Variants in GALNT14 observed in about 807,000 individuals in gnomAD.
GALNT14 encodes polypeptide N-acetylgalactosaminyltransferase 14, also known as UDP-GalNAc:polypeptide N-acetylgalactosaminyltransferase 14.
In GALNT14, 60 loss-of-function variants were observed where a neutral mutation model predicts 77.5. The ratio of observed to expected loss-of-function variants is 0.77; its 90% CI spans 0.63 to 0.96. The LOEUF (loss-of-function observed/expected upper bound fraction) is 0.96. Among genes scored for constraint, GALNT14 ranks in the 40% least tolerant of loss-of-function variants. The probability of loss-of-function intolerance (pLI) is 0.00; values close to 1 mark genes in which losing one functional copy is unlikely to be tolerated. For synonymous variants in GALNT14, 280 were observed against 281.7 expected (o/e 0.99, Z 0.06); for missense variants, 710 against 731.0 (o/e 0.97, Z 0.33).
In GALNT14 at chr2:30,924,728, T is replaced by C; in HGVS notation, c.1235+12A>G. 6.2e-7 allele frequency: 1 copy of C among 1,612,536 alleles called. No individual in the cohort carries two copies. The highest frequency in any genetic ancestry group is 8.5e-7 in the Non-Finnish European group (1 of 1,178,704). Reference sequence around the variant, plus strand: ...TTCAGCCAGCCAAAGCTCCAACAGGTAGGACGGATACCTGAGTTCAGGGTA... The same window carrying C: ...TTCAGCCAGCCAAAGCTCCAACAGGCAGGACGGATACCTGAGTTCAGGGTA... On this transcript the variant is annotated intron_variant, in intron 12 of 14. Coordinates refer to ENST00000349752, the MANE Select transcript of GALNT14 (RefSeq NM_024572.4).
intron 1 of GALNT14, among the ~76,000 whole-genome samples, chr2:31,053,366 C>T (rs577801806): frequency 3.3e-5 from 5 of 152,170 alleles, no homozygotes; most frequent in Middle Eastern, 3.2e-3. Flanking sequence ...CAGGTGCCAA[C>T]TCACCCGCTA....
At chr2:30,891,591 A>G in the GALNT14 span, among the ~76,000 whole-genome samples, 2 of 152,248 alleles carry the variant, frequency 1.3e-5, no homozygotes, top group African/African-American at 4.8e-5. Flanking sequence ...AAATGCAGTC[A>G]TGAACCCTAG....
chr2:31,084,271 G>A (rs1558558259), intron 1 of GALNT14, among the ~76,000 whole-genome samples: 1 of 152,222 alleles, frequency 6.6e-6, no homozygotes, highest in Non-Finnish European at 1.5e-5. Flanking sequence ...GCCTGGTCAA[G>A]ACAACATACT....
chr2:30,914,544 CCTCT>C (rs911269045), intron 13 of GALNT14, among the ~76,000 whole-genome samples: 46 of 152,290 alleles, frequency 3.0e-4, no homozygotes, highest in African/African-American at 7.5e-4. Flanking sequence ...AGAATAGTGC[CCTCT>C]CTAATAGAGT....
chr2:30,905,605 A>G (rs377155569), downstream of GALNT14, among the ~76,000 whole-genome samples: 679 of 152,084 alleles, frequency 4.5e-3, 2 homozygotes, highest in African/African-American at 0.016. Flanking sequence ...TGAAAGTGAC[A>G]GGGAGAATGG....
intron 1 of GALNT14, among the ~76,000 whole-genome samples, chr2:31,058,229 T>C (rs1038129161): frequency 6.6e-6 from 1 of 152,192 alleles, no homozygotes; most frequent in African/African-American, 2.4e-5. Context: ...TATATAACAT[T>C]GAGCAAGTCA....
intron 1 of GALNT14, chr2:31,125,149 C>G: frequency 1.3e-6 from 2 of 1,547,092 alleles, no homozygotes; most frequent in Non-Finnish European, 1.7e-6. Flanking sequence ...ACACAGTCAA[C>G]CTACCTGTAG....
At chr2:31,000,834 CAT>C (rs1175948953) in intron 1 of GALNT14, among the ~76,000 whole-genome samples, 1 of 152,166 alleles carries the variant, frequency 6.6e-6, no homozygotes, top group African/African-American at 2.4e-5. Context: ...GCCACATTGA[CAT>C]ATAAAATTAA....
chr2:30,965,016 C>T (rs1311057669), intron 3 of GALNT14, among the ~76,000 whole-genome samples: 1 of 152,126 alleles, frequency 6.6e-6, no homozygotes, highest in Non-Finnish European at 1.5e-5. Context: ...AGCTGATGTG[C>T]TGCTCAGCAG....
chr2:30,937,155 C>T (rs1360523196), intron 9 of GALNT14, among the ~76,000 whole-genome samples: 3 of 152,166 alleles, frequency 2.0e-5, no homozygotes, highest in South Asian at 2.1e-4. Context: ...AAGGGTGAGG[C>T]TGAAAGAGAA....
chr2:30,976,952 G>T (rs963183439), intron 2 of GALNT14, among the ~76,000 whole-genome samples: 2 of 152,166 alleles, frequency 1.3e-5, no homozygotes, highest in African/African-American at 4.8e-5. Context: ...CAATGAGTGA[G>T]TGGTGGGGCC....
intron 1 of GALNT14, among the ~76,000 whole-genome samples, chr2:31,111,436 C>T (rs541874192): frequency 7.2e-5 from 11 of 152,348 alleles, no homozygotes; most frequent in South Asian, 2.1e-4. Flanking sequence ...GAATCAACAA[C>T]AGGAAAGCCA....
At chr2:31,016,681 C>T (rs1049390863) in intron 1 of GALNT14, among the ~76,000 whole-genome samples, 2 of 152,120 alleles carry the variant, frequency 1.3e-5, no homozygotes, top group Non-Finnish European at 2.9e-5. Context: ...GCAACTGGTG[C>T]CAGTGGCTGA....
the GALNT14 span, among the ~76,000 whole-genome samples, chr2:30,902,434 A>G: frequency 6.6e-6 from 1 of 152,150 alleles, no homozygotes; most frequent in Non-Finnish European, 1.5e-5. Flanking sequence ...CTCCTTTAGC[A>G]GACTACCCTC....
chr2:31,123,989 T>C (rs753667821), intron 1 of GALNT14, among the ~76,000 whole-genome samples: 1 of 152,118 alleles, frequency 6.6e-6, no homozygotes, highest in Non-Finnish European at 1.5e-5. Flanking sequence ...TCAGAAGTGG[T>C]GAGGGAGGGG....
intron 1 of GALNT14, among the ~76,000 whole-genome samples, chr2:31,038,505 T>C (rs1010307967): frequency 5.3e-5 from 8 of 151,806 alleles, no homozygotes; most frequent in Non-Finnish European, 1.2e-4. Context: ...CTCCAGGGAG[T>C]TGCCAGACAG....
chr2:31,120,355 G>A (rs1170763740), intron 1 of GALNT14, among the ~76,000 whole-genome samples: 1 of 152,168 alleles, frequency 6.6e-6, no homozygotes, highest in Non-Finnish European at 1.5e-5. Context: ...GAAAGCTATT[G>A]AAGTTCACAT....
At chr2:31,137,044 C>T (rs930412868) in intron 1 of GALNT14, among the ~76,000 whole-genome samples, 1 of 152,218 alleles carries the variant, frequency 6.6e-6, no homozygotes, top group Non-Finnish European at 1.5e-5. Context: ...GCCAGGAAAT[C>T]CCCCAGAGGC....
chr2:31,128,664 G>A (rs1322245635), intron 1 of GALNT14, among the ~76,000 whole-genome samples: 3 of 151,496 alleles, frequency 2.0e-5, no homozygotes, highest in Admixed American at 6.5e-5. Context: ...GCAGGGCAGC[G>A]TGGGCTCCTG....
Sources: allele counts gnomAD v4.1 joint callset (sites outside exome capture counted in the v4.1 genomes callset), GRCh38; gene constraint gnomAD v4.1.1; transcripts MANE v1.5; gene names NCBI Gene and HGNC (gene_info 2026-07-23, HGNC 2026-07-21).